MME: variants seen among roughly 807,000 people sequenced by gnomAD.
MME encodes membrane metalloendopeptidase.
MME carries 98 observed loss-of-function variants against 113.2 expected under a neutral mutation model. The ratio of observed to expected loss-of-function variants is 0.87; its 90% confidence interval spans 0.74 to 1.02. MME has a LOEUF of 1.02. Ranked by LOEUF, MME falls within the 50% of genes least tolerant of loss-of-function variation. The probability of loss-of-function intolerance (pLI) is 0.00; values close to 1 mark genes in which losing one functional copy is unlikely to be tolerated. For missense variants in MME, 836 were observed against 896.0 expected (o/e 0.93, Z 0.86); for synonymous variants, 292 against 300.6 (o/e 0.97, Z 0.30).
intron 3 of MME, among the ~76,000 whole-genome samples, chr3:155,095,760 AC>A (rs1330765068): frequency 6.6e-6 from 1 of 152,090 alleles, no homozygotes; most frequent in Non-Finnish European, 1.5e-5. Context: ...GAACTAAAAT[AC>A]CCCCTGCCGT....
At chr3:155,078,659 A>ATGTGTGTGTGTG (rs5853711), upstream of MME, among the ~76,000 whole-genome samples, 16 of 141,838 alleles carry the variant, frequency 1.1e-4, no homozygotes, top group African/African-American at 3.4e-4. Context: ...ATGTGTGTGT[A>ATGTGTGTGTGTG]TGTGTGTGTG....
rs151156185 is a variant in MME, at chr3:155,040,507, C to T, written c.-11+16183C>T. 4.8e-3 allele frequency among the ~76,000 whole-genome samples: 730 copies of T among 151,614 alleles called. 5 individuals carry two copies. Among genetic ancestry groups the T allele is most frequent in the East Asian group, 0.015 (80 of 5,168 alleles). On this transcript the variant is annotated intron_variant, in intron 1 of 22. Coordinates refer to the MME transcript ENST00000492661. ...CGCACATATATATAAAATACACAAA[C>T]ATATGTATTTATGTATATATAATAT...
intron 1 of MME, among the ~76,000 whole-genome samples, chr3:155,071,419 A>G (rs965487191): frequency 7.9e-5 from 12 of 152,234 alleles, no homozygotes; most frequent in African/African-American, 2.2e-4. Context: ...GCTGTAGTCA[A>G]TTGAAAAACT....
Position 155,143,421 on chromosome 3 carries a change from A to G in MME, c.1189-22A>G, listed in dbSNP as rs780245955. 2.5e-6 allele frequency: 4 copies of G among 1,609,626 alleles called. No homozygotes were observed. The African/African-American group carries it at 5.4e-5, about 22-fold the overall frequency. On this transcript the variant is annotated intron_variant, in intron 12 of 22. Coordinates refer to ENST00000360490, the MANE Select transcript of MME (RefSeq NM_007289.4). ...AGACCTTTCCTTCTGGTCAAATGCC[A>G]TTTCCTTTTTCTTTTCCGTAGGCCC...
chr3:155,125,444 CT>C (rs1165027340), intron 8 of MME, among the ~76,000 whole-genome samples: 4,468 of 64,844 alleles, frequency 0.069, 8 homozygotes, highest in African/African-American at 0.1. Context: ...GCTCCTCCTC[CT>C]TTTTTTTTTT....
In MME at chr3:155,084,355, A is replaced by G. The variant is rs61762321; in HGVS notation, c.160+28A>G. 3,261 of 1,612,080 alleles carry G rather than the reference A, an allele frequency of 2.0e-3. 9 individuals carry two copies. The highest frequency in any genetic ancestry group is 2.2e-3 in the Non-Finnish European group (2,557 of 1,178,126). ...GAGTTACTCCCACACCTGTGCATCC[A>G]TAAGTGCAAAAGAGAAGGAAATCTT... On this transcript the variant is annotated intron_variant, in intron 2 of 22. Coordinates refer to ENST00000360490, the MANE Select transcript of MME (RefSeq NM_007289.4).
In MME at chr3:155,116,973, A is replaced by C. The variant is rs747201844; in HGVS notation, c.641A>C (p.Asn214Thr). 3.2e-6 allele frequency: 5 copies of C among 1,560,436 alleles called. No homozygotes were observed. The African/African-American group carries it at 6.8e-5, about 21-fold the overall frequency. Reference protein sequence around the residue: ...FVGTDDKNSVNHVIHIDQPRL... With the variant: ...FVGTDDKNSVTHVIHIDQPRL... The stretch of plus-strand genomic sequence containing the variant: ...GGCACTGATGATAAGAATTCTGTGA[A>C]TCATGTAATTCATGTAAGTTTGTGT... The change falls in exon 7 of 23, where the codon AAT (asparagine) becomes ACT (threonine). Residue 214 changes from asparagine (N) to threonine (T), a missense_variant. Coordinates refer to ENST00000360490, the MANE Select transcript of MME (RefSeq NM_007289.4).
Position 155,166,929 on chromosome 3 carries a change from C to A in MME, c.1688C>A (p.Pro563His). Residue 563 changes from proline to histidine, a missense_variant, in exon 18 of 23, where the codon CCC becomes CAC. Pro to His is a moderately conservative substitution (Grantham distance 77). Transcript: ENST00000360490. Reference protein sequence around the residue: ...IVFPAGILQPPFFSAQQSNSL... With the variant: ...IVFPAGILQPHFFSAQQSNSL... The stretch of plus-strand genomic sequence containing the variant: ...TTCCCAGCCGGCATTCTGCAGCCCC[C>A]CTTCTTTAGTGCCCAGCAGTCCAAC... 1 of 1,613,716 alleles carries A rather than the reference C, an allele frequency of 6.2e-7. No homozygotes were observed. The highest frequency in any genetic ancestry group is 8.5e-7 in the Non-Finnish European group (1 of 1,179,758).
intron 3 of MME, among the ~76,000 whole-genome samples, chr3:155,100,050 T>C (rs1158640981): frequency 6.6e-6 from 1 of 151,986 alleles, no homozygotes; most frequent in Non-Finnish European, 1.5e-5. Flanking sequence ...AATTGACAAA[T>C]GGGATCTAAT....
At chr3:155,149,792 A>G (rs576929053) in intron 16 of MME, among the ~76,000 whole-genome samples, 7 of 152,206 alleles carry the variant, frequency 4.6e-5, no homozygotes, top group Non-Finnish European at 1.0e-4. Context: ...CTTACTCAAC[A>G]TGTTGAACTC....
intron 1 of MME, among the ~76,000 whole-genome samples, chr3:155,037,251 G>T (rs1430552825): frequency 2.0e-5 from 3 of 152,152 alleles, no homozygotes; most frequent in African/African-American, 7.2e-5. Context: ...AATGCATTAA[G>T]TTCTCTTTAT....
At chr3:155,084,865 T>G (rs938648062) in intron 2 of MME, among the ~76,000 whole-genome samples, 194 bp from the exon 3 acceptor site, 2 of 152,208 alleles carry the variant, frequency 1.3e-5, no homozygotes, top group Non-Finnish European at 2.9e-5. Context: ...TAATCAAAAT[T>G]TTAAATTTAG....
intron 22 of MME, among the ~76,000 whole-genome samples, chr3:155,173,774 CA>C (rs2108378113): frequency 6.6e-6 from 1 of 152,020 alleles, no homozygotes; most frequent in Non-Finnish European, 1.5e-5. Flanking sequence ...GTGGTTTATT[CA>C]AAAAACTTTT....
intron 17 of MME, among the ~76,000 whole-genome samples, chr3:155,163,660 A>G (rs1260558603): frequency 6.6e-6 from 1 of 152,202 alleles, no homozygotes; most frequent in Non-Finnish European, 1.5e-5. Context: ...AATTGCAGAA[A>G]GGATCTTTTA....
chr3:155,051,613 T>G (rs1396311483), intron 1 of MME, among the ~76,000 whole-genome samples: 1 of 152,174 alleles, frequency 6.6e-6, no homozygotes, highest in African/African-American at 2.4e-5. Flanking sequence ...ACTGACTCAC[T>G]ATCATGAGAA....
At chr3:155,118,878 A>G (rs1718855346) in intron 8 of MME, 67 bp downstream of exon 8, 1 of 1,062,336 alleles carries the variant, frequency 9.4e-7, no homozygotes, top group East Asian at 2.6e-5. Context: ...CAAGTAATGA[A>G]AAAGATAAAG....
chr3:155,063,486 T>TATATATATATTTAAATATATATATTTAA (rs1280971865), intron 1 of MME, among the ~76,000 whole-genome samples: 10 of 55,602 alleles, frequency 1.8e-4, no homozygotes, highest in African/African-American at 6.9e-4. Context: ...TATTATTTTA[T>TATATATATATTTAAATATATATATTTAA]ATATATATAT....
intron 1 of MME, among the ~76,000 whole-genome samples, chr3:155,058,641 A>G (rs1251806643): frequency 6.6e-6 from 1 of 152,216 alleles, no homozygotes; most frequent in Non-Finnish European, 1.5e-5. Context: ...AATTGAATGT[A>G]TAATAAATAA....
At chr3:155,041,852 T>C (rs34851137) in intron 1 of MME, among the ~76,000 whole-genome samples, 6,652 of 152,276 alleles carry the variant, frequency 0.044, 159 homozygotes, top group African/African-American at 0.052. Context: ...CCAAGATCTG[T>C]ATATGAACCT....
Sources: gnomAD v4.1 joint callset for allele counts (sites outside exome capture counted in the v4.1 genomes callset) on GRCh38, gnomAD v4.1.1 for gene constraint, MANE v1.5 for transcripts, NCBI Gene and HGNC (gene_info 2026-07-23, HGNC 2026-07-21) for gene names.